Variants in L3MBTL4 observed in about 807,000 individuals in gnomAD.
The protein encoded by L3MBTL4 is lethal(3)malignant brain tumor-like protein 4.
Under a neutral mutation model 84.5 loss-of-function variants are expected in L3MBTL4, and 70 were observed. The ratio of observed to expected loss-of-function variants is 0.83; its 90% confidence interval spans 0.68 to 1.01. L3MBTL4 has a LOEUF of 1.01. Among genes scored for constraint, L3MBTL4 ranks in the 50% least tolerant of loss-of-function variants. The pLI is 0.00. For missense variants in L3MBTL4, 715 were observed against 754.8 expected (o/e 0.95, Z 0.62); for synonymous variants, 274 against 259.8 (o/e 1.05, Z -0.52).
At chr18:6,174,401 G>A (rs1441262433) in intron 12 of L3MBTL4, among the ~76,000 whole-genome samples, 2 of 152,048 alleles carry the variant, frequency 1.3e-5, no homozygotes, top group East Asian at 3.9e-4. Context: ...GGAGAGAAAT[G>A]GAAACTATAA....
intron 13 of L3MBTL4, among the ~76,000 whole-genome samples, chr18:6,163,247 G>GGT (rs1267297586): frequency 4.0e-5 from 5 of 123,508 alleles, no homozygotes; most frequent in South Asian, 2.9e-4. Flanking sequence ...TTTGTCTACG[G>GGT]GTGTGTGTGT....
At chr18:6,358,274 G>A (rs955852428) in intron 1 of L3MBTL4, among the ~76,000 whole-genome samples, 4 of 152,102 alleles carry the variant, frequency 2.6e-5, no homozygotes, top group Admixed American at 2.0e-4. Flanking sequence ...GAAGATGGAC[G>A]CAAATTAATC....
chr18:6,404,260 G>A lies in L3MBTL4; in HGVS notation c.-91+10541C>T, dbSNP rs1002092213. Among the ~76,000 whole-genome samples the A allele has an allele frequency of 2.2e-4, 33 of 152,316 alleles. 1 individual carries two copies. Among genetic ancestry groups the A allele is most frequent in the African/African-American group, 7.7e-4 (32 of 41,556 alleles). The stretch of plus-strand genomic sequence containing the variant: ...AAAGCTGTTGAAATAATTTTTAAAA[G>A]AGTCTGATTAAGTTGGAACCCCTGA... On this transcript the variant is annotated intron_variant, in intron 1 of 18. Transcript: ENST00000317931.
intron 16 of L3MBTL4, among the ~76,000 whole-genome samples, chr18:6,042,593 A>G (rs1418022877): frequency 6.6e-6 from 1 of 152,184 alleles, no homozygotes; most frequent in Non-Finnish European, 1.5e-5. Context: ...AGCCCTCAGC[A>G]TTGTCCAGTA....
At chr18:6,316,633 G>A (rs950935560) in intron 1 of L3MBTL4, among the ~76,000 whole-genome samples, 2 of 152,142 alleles carry the variant, frequency 1.3e-5, no homozygotes, top group Non-Finnish European at 2.9e-5. Flanking sequence ...CCAGATTCAG[G>A]CTTACACAAG....
At chr18:6,325,757 A>G (rs1164958806) in intron 1 of L3MBTL4, among the ~76,000 whole-genome samples, 7 of 152,216 alleles carry the variant, frequency 4.6e-5, no homozygotes. Flanking sequence ...TGAAATATGT[A>G]TGTTGCCTTG....
At chr18:6,333,884 T>C (rs761989347) in intron 1 of L3MBTL4, among the ~76,000 whole-genome samples, 2 of 152,190 alleles carry the variant, frequency 1.3e-5, no homozygotes, top group Admixed American at 1.3e-4. Flanking sequence ...ATCCTTTCTC[T>C]CCATTCTGTC....
intron 1 of L3MBTL4, among the ~76,000 whole-genome samples, chr18:6,375,830 T>C (rs2054344493): frequency 6.6e-6 from 1 of 151,920 alleles, no homozygotes; most frequent in South Asian, 2.1e-4. Flanking sequence ...GGATGTCAAA[T>C]CTCCACTGGG....
chr18:6,317,085 T>C (rs942521763), intron 1 of L3MBTL4, among the ~76,000 whole-genome samples: 3 of 152,064 alleles, frequency 2.0e-5, no homozygotes, highest in Non-Finnish European at 4.4e-5. Context: ...TCCAACCCCA[T>C]AGGAGATGCT....
intron 16 of L3MBTL4, among the ~76,000 whole-genome samples, chr18:6,071,742 AAG>A (rs1423648360): frequency 0.044 from 3,934 of 88,602 alleles, 100 homozygotes; most frequent in African/African-American, 0.083. Context: ...AGAAAGAAGG[AAG>A]GAAAGAAAGA....
chr18:6,291,790 C>G (rs1293376438), intron 4 of L3MBTL4, among the ~76,000 whole-genome samples: 3 of 152,094 alleles, frequency 2.0e-5, no homozygotes, highest in Non-Finnish European at 4.4e-5. Context: ...TTAGTCTGGG[C>G]AAAGATTTTC....
intron 1 of L3MBTL4, chr18:6,326,646 G>A (rs2051735666): frequency 6.6e-6 from 1 of 152,284 alleles, no homozygotes; most frequent in African/African-American, 2.4e-5. Flanking sequence ...GATGAGTAGA[G>A]GAGGAAAGGC....
chr18:6,107,403 G>A (rs949192190), intron 14 of L3MBTL4, among the ~76,000 whole-genome samples: 3 of 152,114 alleles, frequency 2.0e-5, no homozygotes, highest in Non-Finnish European at 4.4e-5. Context: ...TCTAGACAAC[G>A]GTCTGGAAGA....
intron 12 of L3MBTL4, among the ~76,000 whole-genome samples, chr18:6,178,421 TTCTAACCAG>T (rs2044320743): frequency 6.6e-6 from 1 of 152,196 alleles, no homozygotes; most frequent in African/African-American, 2.4e-5. Context: ...ATTTAAAAAA[TTCTAACCAG>T]ATGGTCAAGT....
intron 14 of L3MBTL4, among the ~76,000 whole-genome samples, chr18:6,132,185 T>C (rs564997154): frequency 6.6e-6 from 1 of 152,210 alleles, no homozygotes; most frequent in Non-Finnish European, 1.5e-5. Context: ...TAAAATTTGT[T>C]TGCATTTCCT....
At chr18:6,313,607 T>C (rs1046553845) in intron 1 of L3MBTL4, among the ~76,000 whole-genome samples, 1 of 152,194 alleles carries the variant, frequency 6.6e-6, no homozygotes, top group Non-Finnish European at 1.5e-5. Context: ...TTGATGCCTG[T>C]AGCGAAGTAT....
At chr18:6,345,268 G>A (rs566407525) in intron 1 of L3MBTL4, among the ~76,000 whole-genome samples, 3 of 148,832 alleles carry the variant, frequency 2.0e-5, no homozygotes, top group South Asian at 4.3e-4. Flanking sequence ...ATGGCAGCAT[G>A]CGCCTGTAGT....
chr18:6,088,777 A>G (rs2058343412), intron 15 of L3MBTL4, among the ~76,000 whole-genome samples: 1 of 152,210 alleles, frequency 6.6e-6, no homozygotes, highest in Admixed American at 6.5e-5. Flanking sequence ...TGCAGCCAAA[A>G]TAAACTAGTT....
At position 6,093,461 on chromosome 18, in the gene L3MBTL4, C is replaced by G. The variant is rs756690847; in HGVS notation, c.1267G>C (p.Glu423Gln). Residue 423 changes from glutamate (E) to glutamine (Q), a missense_variant, in exon 15 of 19, where the codon GAA becomes CAA. Transcript: ENST00000317931. ...KEATLHDRLREQTQANLESDS... is the reference protein window; with the variant it reads ...KEATLHDRLRQQTQANLESDS... The stretch of plus-strand genomic sequence containing the variant: ...GATTCCAAATTTGCCTGTGTTTGTT[C>G]TCTCAAACGATCGTGAAGTGTTGCC... 3 of 1,613,980 alleles carry G rather than the reference C, an allele frequency of 1.9e-6. No individual in the cohort carries two copies. The Admixed American group carries it at 5.0e-5, about 27-fold the overall frequency.
Sources: allele counts gnomAD v4.1 joint callset (sites outside exome capture counted in the v4.1 genomes callset), GRCh38; gene constraint gnomAD v4.1.1; transcripts MANE v1.5; gene names NCBI Gene and HGNC (gene_info 2026-07-23, HGNC 2026-07-21).